KCNJ3: variants seen among roughly 807,000 people sequenced by gnomAD.
KCNJ3 encodes G protein-activated inward rectifier potassium channel 1.
In KCNJ3, 4 loss-of-function variants were observed where a neutral mutation model predicts 39.2. That is an observed-to-expected ratio of 0.10 (90% CI 0.05 to 0.23). KCNJ3 has a LOEUF of 0.23. Ranked by LOEUF, KCNJ3 falls within the 10% of genes least tolerant of loss-of-function variation. The pLI is 1.00. For synonymous variants in KCNJ3, 230 were observed against 237.4 expected, an observed-to-expected ratio of 0.97 and a Z score of 0.29; for missense variants, 276 against 634.9, an observed-to-expected ratio of 0.43 and a Z score of 6.08.
At chr2:154,715,106 G>T (rs983602671) in intron 2 of KCNJ3, among the ~76,000 whole-genome samples, 2 of 152,158 alleles carry the variant, frequency 1.3e-5, no homozygotes, top group African/African-American at 4.8e-5. Context: ...AGGGTACCTG[G>T]CTGCTACTCC....
chr2:154,743,240 C>T (rs1685683572), intron 2 of KCNJ3, among the ~76,000 whole-genome samples: 1 of 151,624 alleles, frequency 6.6e-6, no homozygotes, highest in Non-Finnish European at 1.5e-5. Context: ...CTGTATATAC[C>T]AGTACCACAC....
rs761012211 is a variant in KCNJ3 at position 154,803,257 on chromosome 2, T to G, written c.920-51470T>G. Among the ~76,000 whole-genome samples, 60 of 152,160 alleles carry G rather than the reference T, an allele frequency of 3.9e-4. 1 individual carries two copies. Among genetic ancestry groups the G allele is most frequent in the Admixed American group, 7.9e-4 (12 of 15,274 alleles). On this transcript the variant is annotated intron_variant, in intron 2 of 2. Coordinates refer to ENST00000295101, the MANE Select transcript of KCNJ3 (RefSeq NM_002239.4). ...AAAAAAGCTACTTTTTAGCAAATAG[T>G]ATTCATTTCCTATATTTTCTCATAG...
intron 1 of KCNJ3, among the ~76,000 whole-genome samples, chr2:154,701,859 T>C (rs944363545): frequency 7.9e-5 from 12 of 152,124 alleles, no homozygotes; most frequent in African/African-American, 2.6e-4. Flanking sequence ...GCTCTTCAAC[T>C]AGTCAGTTAG....
intron 1 of KCNJ3, among the ~76,000 whole-genome samples, chr2:154,704,402 A>G (rs924502224): frequency 6.6e-6 from 1 of 152,152 alleles, no homozygotes; most frequent in South Asian, 2.1e-4. Flanking sequence ...AAAGGCCCTC[A>G]AGGAGTTATA....
chr2:154,800,023 A>G (rs759726008), intron 2 of KCNJ3, among the ~76,000 whole-genome samples: 1 of 152,180 alleles, frequency 6.6e-6, no homozygotes, highest in Non-Finnish European at 1.5e-5. Context: ...ACAAGATGAC[A>G]TTTGTACCAA....
intron 1 of KCNJ3, 160 bp from the exon 2 acceptor site, chr2:154,709,443 G>C (rs577671732): frequency 1.5e-6 from 1 of 680,616 alleles, no homozygotes; most frequent in Non-Finnish European, 2.5e-6. Context: ...GTGGGATTTC[G>C]GCCCATTTGC....
intron 2 of KCNJ3, among the ~76,000 whole-genome samples, chr2:154,838,458 T>C (rs996577123): frequency 2.6e-5 from 4 of 152,184 alleles, no homozygotes; most frequent in Non-Finnish European, 4.4e-5. Flanking sequence ...ATCAGTCATA[T>C]GAGAAAAAGA....
chr2:154,718,168 A>G (rs1424510230), intron 2 of KCNJ3, among the ~76,000 whole-genome samples: 40 of 152,160 alleles, frequency 2.6e-4, no homozygotes, highest in Admixed American at 2.6e-3. Flanking sequence ...TTCTTCCTGG[A>G]AATTTCTATT....
intron 2 of KCNJ3, among the ~76,000 whole-genome samples, chr2:154,813,280 C>G (rs1369505438): frequency 6.6e-6 from 1 of 152,046 alleles, no homozygotes; most frequent in African/African-American, 2.4e-5. Flanking sequence ...GGAAGCTCTG[C>G]GAAGCTTCTG....
intron 2 of KCNJ3, among the ~76,000 whole-genome samples, chr2:154,829,141 T>C (rs116448128): frequency 0.012 from 1,859 of 152,232 alleles, 17 homozygotes; most frequent in Middle Eastern, 0.02. Flanking sequence ...ATAACTGATA[T>C]TGTAGGTTCA....
At chr2:154,759,781 T>C (rs992829889) in intron 2 of KCNJ3, among the ~76,000 whole-genome samples, 1 of 152,192 alleles carries the variant, frequency 6.6e-6, no homozygotes, top group Non-Finnish European at 1.5e-5. Context: ...AATTTGTTTC[T>C]TTAACTTCAT....
chr2:154,852,701 G>A (rs1250082934), intron 2 of KCNJ3, among the ~76,000 whole-genome samples: 2 of 151,838 alleles, frequency 1.3e-5, no homozygotes, highest in South Asian at 4.1e-4. Context: ...TCCTGATTAA[G>A]TGATAATCTA....
chr2:154,702,883 CTTTTTGT>C (rs59013283), intron 1 of KCNJ3, among the ~76,000 whole-genome samples: 9,459 of 151,812 alleles, frequency 0.062, 711 homozygotes, highest in African/African-American at 0.18. Context: ...CTTCTTTTCT[CTTTTTGT>C]TTTACCCAGA....
chr2:154,725,204 C>A (rs1685332597), intron 2 of KCNJ3, among the ~76,000 whole-genome samples: 1 of 150,100 alleles, frequency 6.7e-6, no homozygotes, highest in South Asian at 2.1e-4. Context: ...CCTTGTCATT[C>A]TCTAGTCAAA....
At chr2:154,802,825 T>C (rs1433782533) in intron 2 of KCNJ3, among the ~76,000 whole-genome samples, 2 of 152,148 alleles carry the variant, frequency 1.3e-5, no homozygotes, top group Admixed American at 6.6e-5. Context: ...GGATAATTTA[T>C]TGACTTTTAG....
chr2:154,719,547 G>A (rs892990675), intron 2 of KCNJ3, among the ~76,000 whole-genome samples: 1 of 152,104 alleles, frequency 6.6e-6, no homozygotes, highest in African/African-American at 2.4e-5. Context: ...TAATATAAAT[G>A]CCATGCAAGG....
At chr2:154,844,306 C>A (rs1357708862) in intron 2 of KCNJ3, among the ~76,000 whole-genome samples, 1 of 152,140 alleles carries the variant, frequency 6.6e-6, no homozygotes, top group Middle Eastern at 3.2e-3. Context: ...GTTGCCTGAT[C>A]CTTCCTCTGG....
chr2:154,798,334 T>A (rs1686756353), intron 2 of KCNJ3, among the ~76,000 whole-genome samples: 1 of 152,134 alleles, frequency 6.6e-6, no homozygotes, highest in East Asian at 1.9e-4. Context: ...CTCAAATATG[T>A]CAACTCTTCC....
intron 2 of KCNJ3, among the ~76,000 whole-genome samples, chr2:154,734,020 A>G (rs1280799292): frequency 6.6e-6 from 1 of 152,196 alleles, no homozygotes; most frequent in Non-Finnish European, 1.5e-5. Flanking sequence ...AAATTTTACA[A>G]ACTTTCACAA....
Sources: allele counts gnomAD v4.1 joint callset (sites outside exome capture counted in the v4.1 genomes callset), GRCh38; gene constraint gnomAD v4.1.1; transcripts MANE v1.5; gene names NCBI Gene and HGNC (gene_info 2026-07-23, HGNC 2026-07-21).